The following OR6Y1 variants were observed in gnomAD, a reference collection of about 807,000 sequenced individuals.
The protein encoded by OR6Y1 is olfactory receptor 6Y1.
OR6Y1 carries 1 observed loss-of-function variant against 0.4 expected under a neutral mutation model. The ratio of observed to expected loss-of-function variants is 2.74; its 90% CI spans 0.97 to 13.02. The LOEUF (loss-of-function observed/expected upper bound fraction) is 13.02, where lower values mean the gene tolerates loss of function less well. Among genes scored for constraint, OR6Y1 ranks in the 30% most tolerant of loss-of-function variants. OR6Y1 has a pLI of 0.12. For synonymous variants in OR6Y1, 173 were observed against 141.1 expected, an observed-to-expected ratio of 1.23 and a Z score of -1.60; for missense variants, 480 against 399.8, an observed-to-expected ratio of 1.20 and a Z score of -1.71.
rs372365884 is a variant in OR6Y1, at chr1:158,548,005, G to C, written c.101C>G (p.Ser34Cys). The C allele has an allele frequency of 1.2e-6, 2 of 1,613,510 alleles. No homozygotes were observed. Among genetic ancestry groups the C allele is most frequent in the Non-Finnish European group, 1.7e-6 (2 of 1,179,968 alleles). Residue 34 changes from serine to cysteine, a missense_variant, in exon 2 of 2, where the codon TCC becomes TGC. Ser to Cys is a moderately radical substitution (Grantham distance 112). Coordinates refer to ENST00000641622, the MANE Select transcript of OR6Y1 (RefSeq NM_001005189.2). The part of the protein sequence containing the change: ...TRPAFQLLFF[S>C]IFLATYLLTL... The stretch of plus-strand genomic sequence containing the variant: ...CAGCAGATAGGTTGCCAGGAAAATG[G>C]AGAAAAAGAGAAGCTGGAAGGCTGG...
In OR6Y1 at chr1:158,547,934, C is replaced by T; in HGVS notation, c.172G>A (p.Gly58Arg). 1.9e-6 allele frequency: 3 copies of T among 1,613,490 alleles called. No individual in the cohort carries two copies. The highest frequency in any genetic ancestry group is 2.5e-6 in the Non-Finnish European group (3 of 1,179,994). ...LLIILAIHSD[G>R]QLHKPMYFFL... Reference sequence around the variant, plus strand: ...AAGTACATGGGCTTATGCAGCTGCCCATCACTGTGGATAGCTAAGATGATA... The same window carrying T: ...AAGTACATGGGCTTATGCAGCTGCCTATCACTGTGGATAGCTAAGATGATA... Residue 58 changes from glycine to arginine, a missense_variant, in exon 2 of 2, where the codon GGG becomes AGG. By Grantham distance (125) the Gly-to-Arg change is moderately radical. Coordinates refer to ENST00000641622, the MANE Select transcript of OR6Y1 (RefSeq NM_001005189.2).
Position 158,548,333 on chromosome 1 carries a change from A to G in OR6Y1, c.-228T>C. 5.9e-6 allele frequency: 3 copies of G among 508,264 alleles called. No individual in the cohort carries two copies. The highest frequency in any genetic ancestry group is 1.0e-5 in the Non-Finnish European group (3 of 289,372). 31.5% of individuals were successfully genotyped at this position (508,264 alleles called of 1,614,324 possible). A position where few individuals can be genotyped will look rare whatever the true frequency, so the allele number is the denominator to read the frequency against. ...TTTTCAGATTTTCTCAAGAGCAGTAACTTGTCCAAGGTCATACAAAATAGA... is the reference window on the plus strand; with the variant it reads ...TTTTCAGATTTTCTCAAGAGCAGTAGCTTGTCCAAGGTCATACAAAATAGA... On this transcript the variant is annotated 5_prime_UTR_variant, in exon 2 of 2. Transcript: ENST00000641622.
intron 1 of OR6Y1, among the ~76,000 whole-genome samples, chr1:158,551,509 A>T (rs1647703288): frequency 6.6e-6 from 1 of 151,652 alleles, no homozygotes; most frequent in African/African-American, 2.4e-5. Context: ...GTCCCTATCA[A>T]GCTTTAACCC....
Position 158,546,925 on chromosome 1 carries a change from C to G in OR6Y1, c.*203G>C. On this transcript the variant is annotated 3_prime_UTR_variant, in exon 2 of 2. Transcript: ENST00000641622. ...TTTTCTAACATTTTAAAACTTGTCTCTCAGCCTGATACCAGAGGTTACTTC... is the reference window on the plus strand; with the variant it reads ...TTTTCTAACATTTTAAAACTTGTCTGTCAGCCTGATACCAGAGGTTACTTC... 2 of 454,896 alleles carry G rather than the reference C, an allele frequency of 4.4e-6. No individual in the cohort carries two copies. The highest frequency in any genetic ancestry group is 7.7e-6 in the Non-Finnish European group (2 of 260,180). 28.2% of individuals were successfully genotyped at this position (454,896 alleles called of 1,614,324 possible). A position where few individuals can be genotyped will look rare whatever the true frequency, so the allele number is the denominator to read the frequency against.
intron 1 of OR6Y1, among the ~76,000 whole-genome samples, chr1:158,551,669 G>A (rs968392479): frequency 4.6e-5 from 7 of 151,498 alleles, no homozygotes; most frequent in Non-Finnish European, 1.0e-4. Context: ...AAGTTAGTGC[G>A]AGTCTTACAA....
chr1:158,550,948 T>A (rs1260105906), intron 1 of OR6Y1, among the ~76,000 whole-genome samples: 1 of 151,900 alleles, frequency 6.6e-6, no homozygotes, highest in African/African-American at 2.4e-5. Context: ...CATCATGGAA[T>A]TAGCACCAAT....
At chr1:158,553,534 A>G (rs1434725130) in intron 1 of OR6Y1, among the ~76,000 whole-genome samples, 2 of 152,014 alleles carry the variant, frequency 1.3e-5, no homozygotes, top group Non-Finnish European at 2.9e-5. Context: ...CCCCGCAAAT[A>G]CGTACAATTA....
At position 158,544,620 on chromosome 1, in the gene OR6Y1, A is replaced by G. The variant is rs977223245; in HGVS notation, c.*2508T>C. 1.3e-5 allele frequency: 2 copies of G among 152,100 alleles called. No individual in the cohort carries two copies. The highest frequency in any genetic ancestry group is 4.8e-5 in the African/African-American group (2 of 41,410). The allele number at this position is 152,100 out of a possible 1,614,324, so 9.4% of individuals were successfully genotyped here. A position where few individuals can be genotyped will look rare whatever the true frequency, so the allele number is the denominator to read the frequency against. On this transcript the variant is annotated 3_prime_UTR_variant, in exon 2 of 2. Coordinates refer to ENST00000641622, the MANE Select transcript of OR6Y1 (RefSeq NM_001005189.2). ...CTTGTATTATGGGGGTTTGTTGTAC[A>G]GATTATTTTGTCACCCAGGTATCAA...
chr1:158,545,427 T>A lies in OR6Y1; in HGVS notation c.*1701A>T, dbSNP rs1041527213. The A allele has an allele frequency of 1.3e-5, 2 of 151,836 alleles. No homozygotes were observed. The highest frequency in any genetic ancestry group is 4.8e-5 in the African/African-American group (2 of 41,438). 9.4% of individuals were successfully genotyped at this position (151,836 alleles called of 1,614,324 possible). A position where few individuals can be genotyped will look rare whatever the true frequency, so the allele number is the denominator to read the frequency against. ...CACCAACATGTCACATGTATACATATGTAACAAACCTGCACGTTGTGCACA... is the reference window on the plus strand; with the variant it reads ...CACCAACATGTCACATGTATACATAAGTAACAAACCTGCACGTTGTGCACA... On this transcript the variant is annotated 3_prime_UTR_variant, in exon 2 of 2. Coordinates refer to ENST00000641622, the MANE Select transcript of OR6Y1 (RefSeq NM_001005189.2).
intron 1 of OR6Y1, among the ~76,000 whole-genome samples, chr1:158,550,220 T>G (rs538468389): frequency 2.6e-5 from 1 of 37,948 alleles, no homozygotes; most frequent in Non-Finnish European, 5.0e-5. Flanking sequence ...TCTCCATTCC[T>G]TTGCAATAGA....
In OR6Y1 at chr1:158,548,237, C is replaced by T. The variant is rs376943907; in HGVS notation, c.-132G>A. ...AGGTTTCTGCTTTTTTATCTTACTG[C>T]CTCTTGAATTATGAAGAGAACCAAA... On this transcript the variant is annotated 5_prime_UTR_variant, in exon 2 of 2. Coordinates refer to ENST00000641622, the MANE Select transcript of OR6Y1 (RefSeq NM_001005189.2). 3 of 830,966 alleles carry T rather than the reference C, an allele frequency of 3.6e-6. No individual in the cohort carries two copies. Among genetic ancestry groups the T allele is most frequent in the Non-Finnish European group, 5.6e-6 (3 of 537,474 alleles). The allele number at this position is 830,966 out of a possible 1,614,324, so 51.5% of individuals were successfully genotyped here.
At chr1:158,550,756 G>A (rs1017239502) in intron 1 of OR6Y1, among the ~76,000 whole-genome samples, 1 of 151,698 alleles carries the variant, frequency 6.6e-6, no homozygotes, top group East Asian at 1.9e-4. Flanking sequence ...CAGTCCATTG[G>A]GCAGGCTTGT....
In OR6Y1 at chr1:158,547,671, G is replaced by A; in HGVS notation, c.435C>T (p.Leu145=). The A allele has an allele frequency of 6.2e-7, 1 of 1,613,546 alleles. No homozygotes were observed. The highest frequency in any genetic ancestry group is 8.5e-7 in the Non-Finnish European group (1 of 1,179,994). Residue 145 remains leucine (L), a synonymous_variant, in exon 2 of 2, where the codon CTC becomes CTT. Coordinates refer to ENST00000641622, the MANE Select transcript of OR6Y1 (RefSeq NM_001005189.2). ...AGCATCCTCCAGCCAGTGTGCCACA[G>A]AGCTGGTTGGTCATGATGACTGGGT... is the stretch of plus-strand genomic sequence containing the variant. The part of the protein sequence containing the change: ...LRYPVIMTNQ[L]CGTLAGGCWF...
At chr1:158,551,743 T>TACACACACACACAC (rs144175888) in intron 1 of OR6Y1, among the ~76,000 whole-genome samples, 24 of 139,600 alleles carry the variant, frequency 1.7e-4, no homozygotes, top group African/African-American at 5.2e-4. Context: ...TTGTAGTGAT[T>TACACACACACACAC]ACACACACAC....
Position 158,545,437 on chromosome 1 carries a change from C to A in OR6Y1, c.*1691G>T, listed in dbSNP as rs997384602. 6.6e-6 allele frequency: 1 copy of A among 151,658 alleles called. No individual in the cohort carries two copies. The highest frequency in any genetic ancestry group is 1.5e-5 in the Non-Finnish European group (1 of 67,922). 9.4% of individuals were successfully genotyped at this position (151,658 alleles called of 1,614,324 possible). ...TCACATGTATACATATGTAACAAAC[C>A]TGCACGTTGTGCACATGTACCCTAA... On this transcript the variant is annotated 3_prime_UTR_variant, in exon 2 of 2. Transcript: ENST00000641622.
At chr1:158,553,754 C>G (rs898143216) in intron 1 of OR6Y1, among the ~76,000 whole-genome samples, 2 of 152,166 alleles carry the variant, frequency 1.3e-5, no homozygotes, top group Admixed American at 6.5e-5. Flanking sequence ...ATTTCATCCT[C>G]TACTCCATTT....
rs1255786719 is a variant in OR6Y1, at chr1:158,545,805, C to A, written c.*1323G>T. The A allele has an allele frequency of 6.6e-6, 1 of 152,154 alleles. No homozygotes were observed. The highest frequency in any genetic ancestry group is 2.4e-5 in the African/African-American group (1 of 41,436). The allele number at this position is 152,154 out of a possible 1,614,324, so 9.4% of individuals were successfully genotyped here. A position where few individuals can be genotyped will look rare whatever the true frequency, so the allele number is the denominator to read the frequency against. On this transcript the variant is annotated 3_prime_UTR_variant, in exon 2 of 2. Transcript: ENST00000641622. ...GAAGCTTGTCAGTTTAATTACATCC[C>A]ATTTGTCAATTTTTGTTTTTTAATA... is the stretch of plus-strand genomic sequence containing the variant.
chr1:158,548,084 C>T lies in OR6Y1; in HGVS notation c.22G>A (p.Val8Ile). The T allele has an allele frequency of 6.2e-7, 1 of 1,612,784 alleles. No individual in the cohort carries two copies. The highest frequency in any genetic ancestry group is 8.5e-7 in the Non-Finnish European group (1 of 1,179,744). MTTIILE[V>I]DNHTVTTRFI... is the part of the protein sequence containing the mutation. ...CGTGTTGTCACTGTATGATTATCTA[C>T]TTCCAGAATTATGGTGGTCATGACT... The change falls in exon 2 of 2, where the codon GTA (valine) becomes ATA (isoleucine). Residue 8 changes from valine to isoleucine, a missense_variant. Coordinates refer to ENST00000641622, the MANE Select transcript of OR6Y1 (RefSeq NM_001005189.2).
Position 158,546,983 on chromosome 1 carries a change from A to G in OR6Y1, c.*145T>C. On this transcript the variant is annotated 3_prime_UTR_variant, in exon 2 of 2. Transcript: ENST00000641622. ...CATGTTTCTCCAGTCATGATTGTGTATACACACACACACACATGCACACAC... is the reference window on the plus strand; with the variant it reads ...CATGTTTCTCCAGTCATGATTGTGTGTACACACACACACACATGCACACAC... The G allele has an allele frequency of 1.4e-6, 1 of 711,594 alleles. No individual in the cohort carries two copies. Among genetic ancestry groups the G allele is most frequent in the East Asian group, 2.6e-5 (1 of 37,780 alleles). The allele number at this position is 711,594 out of a possible 1,614,324, so 44.1% of individuals were successfully genotyped here. A position where few individuals can be genotyped will look rare whatever the true frequency, so the allele number is the denominator to read the frequency against.
Sources: gnomAD v4.1 joint callset for allele counts (sites outside exome capture counted in the v4.1 genomes callset) on GRCh38, gnomAD v4.1.1 for gene constraint, MANE v1.5 for transcripts, NCBI Gene and HGNC (gene_info 2026-07-23, HGNC 2026-07-21) for gene names.